TRMT2B: variants seen among roughly 807,000 people sequenced by gnomAD.
TRMT2B encodes the protein tRNA methyltransferase 2B.
Under a neutral mutation model 39.7 loss-of-function variants are expected in TRMT2B, and 34 were observed. The observed-to-expected ratio is 0.86, with a 90% confidence interval of 0.65 to 1.14. The LOEUF (loss-of-function observed/expected upper bound fraction) is 1.14, where lower values mean the gene tolerates loss of function less well. Among genes scored for constraint, TRMT2B ranks in the 50% most tolerant of loss-of-function variants. The pLI, the probability that TRMT2B is intolerant of heterozygous loss-of-function variation, is 0.00. For synonymous variants in TRMT2B, 132 were observed against 137.3 expected (o/e 0.96, Z 0.27); for missense variants, 318 against 377.2 (o/e 0.84, Z 1.30).
intron 7 of TRMT2B, among the ~76,000 whole-genome samples, chrX:101,028,120 T>TC (rs1403724195): frequency 1.0e-5 from 1 of 95,254 alleles, no homozygotes; most frequent in Non-Finnish European, 2.1e-5. Context: ...CTCTTTTTTT[T>TC]TTTTTTTTTT....
At position 101,022,027 on chromosome X, in the gene TRMT2B, T is replaced by C. The variant is rs2086827182; in HGVS notation, c.792A>G (p.Glu264=). ...CTGCTCCAGGACCTCTGATGAAAAATTCCTTTACAATCTCCTTCTGAACAT... is the reference window on the plus strand; with the variant it reads ...CTGCTCCAGGACCTCTGATGAAAAACTCCTTTACAATCTCCTTCTGAACAT... ...ELHVQKEIVK[E]FFIRGPGAAC... The change falls in exon 9 of 14, where the codon GAA becomes GAG. Residue 264 remains glutamate, a synonymous_variant. Coordinates refer to ENST00000372936, the MANE Select transcript of TRMT2B (RefSeq NM_024917.6). 2.5e-6 allele frequency: 3 copies of C among 1,209,044 alleles called. No homozygotes were observed. The highest frequency in any genetic ancestry group is 2.2e-5 in the Admixed American group (1 of 45,678).
the TRMT2B span, among the ~76,000 whole-genome samples, chrX:100,975,790 G>A: frequency 2.7e-5 from 3 of 109,954 alleles, no homozygotes; most frequent in East Asian, 2.9e-4. Context: ...GCACCACCAC[G>A]CCTGGCTGAT....
chrX:100,988,250 A>T, the TRMT2B span: 1 of 1,209,247 alleles, frequency 8.3e-7, no homozygotes, highest in East Asian at 3.0e-5. Flanking sequence ...AACAATGCTC[A>T]ATCGAAGCTA....
chrX:100,986,257 C>A, the TRMT2B span, among the ~76,000 whole-genome samples: 1 of 111,946 alleles, frequency 8.9e-6, no homozygotes, highest in East Asian at 2.8e-4. Flanking sequence ...GGTCTCTGAT[C>A]CTGAAACCTC....
intron 4 of TRMT2B, among the ~76,000 whole-genome samples, chrX:101,039,010 C>A (rs1255571546): frequency 9.0e-6 from 1 of 111,662 alleles, no homozygotes; most frequent in Non-Finnish European, 1.9e-5. Flanking sequence ...CTCAGCCTCC[C>A]AAAGTGCTAG....
chrX:101,020,737 A>G lies in TRMT2B; in HGVS notation c.1067-149T>C, dbSNP rs963338758. 6.0e-6 allele frequency: 3 copies of G among 499,519 alleles called. No homozygotes were observed. The African/African-American group carries it at 7.0e-5, about 12-fold the overall frequency. 41.2% of individuals were successfully genotyped at this position (499,519 alleles called of 1,213,427 possible). Reference sequence around the variant, plus strand: ...TAGGCTGGAGTGCAATGGCACAATCACAGTTCACTGCAGCCTCGACCTCCC... The same window carrying G: ...TAGGCTGGAGTGCAATGGCACAATCGCAGTTCACTGCAGCCTCGACCTCCC... On this transcript the variant is annotated intron_variant, in intron 10 of 13. Transcript: ENST00000372936.
At chrX:101,008,683 T>C (rs2086147074), downstream of TRMT2B, among the ~76,000 whole-genome samples, 1 of 111,936 alleles carries the variant, frequency 8.9e-6, no homozygotes, top group South Asian at 3.7e-4. Context: ...ATAATTCTTA[T>C]AGATAGCAAG....
chrX:100,996,251 G>T, the TRMT2B span, among the ~76,000 whole-genome samples: 1 of 112,266 alleles, frequency 8.9e-6, no homozygotes, highest in African/African-American at 3.2e-5. Flanking sequence ...TAGAATGATA[G>T]ATACCAGAGG....
rs147312164 is a variant in TRMT2B at position 101,010,810 on chromosome X, C to T, written c.1389-103G>A. On this transcript the variant is annotated intron_variant, in intron 13 of 13. Transcript: ENST00000372936. The stretch of plus-strand genomic sequence containing the variant: ...GCCCTTCCACTGTGTTCCCACAGGC[C>T]CCCTGTGTTTCTCTTATACAGCATT... 2,420 of 804,835 alleles carry T rather than the reference C, an allele frequency of 3.0e-3. 43 individuals are homozygous for T. The African/African-American group carries it at 0.044, about 15-fold the overall frequency. The allele number at this position is 804,835 out of a possible 1,213,427, so 66.3% of individuals were successfully genotyped here.
chrX:101,030,591 G>A (rs2087399609), intron 7 of TRMT2B, among the ~76,000 whole-genome samples: 1 of 108,351 alleles, frequency 9.2e-6, no homozygotes, highest in East Asian at 2.9e-4. Context: ...GGGACTATAG[G>A]TGCCTGCCAC....
intron 7 of TRMT2B, among the ~76,000 whole-genome samples, chrX:101,025,788 G>A (rs781512635): frequency 4.5e-5 from 5 of 110,372 alleles, no homozygotes; most frequent in Non-Finnish European, 7.6e-5. Context: ...GCAAAACCCC[G>A]TCTCTACTAA....
the TRMT2B span, among the ~76,000 whole-genome samples, chrX:100,983,334 A>G: frequency 1.8e-5 from 2 of 111,019 alleles, no homozygotes; most frequent in Non-Finnish European, 3.8e-5. Flanking sequence ...GGAAACTCTA[A>G]TATTACCTTT....
In TRMT2B at chrX:101,019,317, C is replaced by T. The variant is rs1374997498; in HGVS notation, c.1255G>A (p.Val419Ile). 2 of 1,209,821 alleles carry T rather than the reference C, an allele frequency of 1.7e-6. No homozygotes were observed. Among genetic ancestry groups the T allele is most frequent in the Non-Finnish European group, 2.2e-6 (2 of 895,273 alleles). The part of the protein sequence containing the change: ...LKSKEDGQSI[V>I]AVVNPARAGL... The stretch of plus-strand genomic sequence containing the variant: ...GCACGGGCTGGGTTCACCACAGCAA[C>T]AATTGACTGTCCATCTTCCTTTGAC... The change falls in exon 12 of 14, where the codon GTT becomes ATT. Residue 419 changes from valine to isoleucine, a missense_variant. Transcript: ENST00000372936.
At chrX:101,023,741 C>T (rs2086910827) in intron 7 of TRMT2B, 125 bp from the exon 8 acceptor site, 1 of 609,141 alleles carries the variant, frequency 1.6e-6, no homozygotes, top group Non-Finnish European at 2.4e-6. Flanking sequence ...GCCTTAACCA[C>T]CAGTACTCAA....
chrX:101,036,028 GGA>G (rs1404428109), intron 6 of TRMT2B, among the ~76,000 whole-genome samples: 1 of 112,129 alleles, frequency 8.9e-6, no homozygotes, highest in Non-Finnish European at 1.9e-5. Flanking sequence ...TCAGCACACA[GGA>G]GGGAAAAAAG....
At chrX:101,005,472 G>A (rs1271301166), downstream of TRMT2B, among the ~76,000 whole-genome samples, 1 of 111,055 alleles carries the variant, frequency 9.0e-6, no homozygotes, top group Non-Finnish European at 1.9e-5. Context: ...AAACATTTTG[G>A]GGACAGTTGG....
At chrX:101,002,577 C>T in the TRMT2B span, among the ~76,000 whole-genome samples, 2 of 110,565 alleles carry the variant, frequency 1.8e-5, no homozygotes, top group African/African-American at 6.6e-5. Flanking sequence ...GTCAGGAGTT[C>T]GAAACCAGCC....
downstream of TRMT2B, among the ~76,000 whole-genome samples, chrX:101,005,833 A>G (rs1292178583): frequency 3.0e-5 from 3 of 100,144 alleles, no homozygotes; most frequent in Non-Finnish European, 6.0e-5. Flanking sequence ...GTGAGCCAAG[A>G]TTGTGCCACT....
chrX:100,999,994 A>T, the TRMT2B span, among the ~76,000 whole-genome samples: 35 of 112,239 alleles, frequency 3.1e-4, no homozygotes, highest in East Asian at 7.8e-3. Context: ...TCATTGGTTC[A>T]GCAACTCTAA....
Sources: gnomAD v4.1 joint callset for allele counts (sites outside exome capture counted in the v4.1 genomes callset) on GRCh38, gnomAD v4.1.1 for gene constraint, MANE v1.5 for transcripts, NCBI Gene and HGNC (gene_info 2026-07-23, HGNC 2026-07-21) for gene names.